The following CERK variants were observed in gnomAD, a reference collection of about 807,000 sequenced individuals.
The protein encoded by CERK is acylsphingosine kinase.
In CERK, 39 loss-of-function variants were observed where a neutral mutation model predicts 63.4. That is an observed-to-expected ratio of 0.61 (90% CI 0.48 to 0.80). The LOEUF is 0.80. Ranked by LOEUF, CERK falls within the 30% of genes least tolerant of loss-of-function variation. The probability of loss-of-function intolerance (pLI) is 0.00; values close to 1 mark genes in which losing one functional copy is unlikely to be tolerated. For synonymous variants in CERK, 302 were observed against 280.0 expected, an observed-to-expected ratio of 1.08 and a Z score of -0.78; for missense variants, 670 against 714.1, an observed-to-expected ratio of 0.94 and a Z score of 0.70.
intron 6 of CERK, among the ~76,000 whole-genome samples, chr22:46,706,945 G>A (rs1311272664): frequency 1.3e-5 from 2 of 152,154 alleles, no homozygotes; most frequent in East Asian, 3.9e-4. Context: ...CCTGTCGGAG[G>A]CAGGTTAGAG....
At chr22:46,730,066 A>AC (rs58263240) in intron 1 of CERK, among the ~76,000 whole-genome samples, 1 of 151,024 alleles carries the variant, frequency 6.6e-6, no homozygotes, top group Non-Finnish European at 1.5e-5. Flanking sequence ...AAACAAACAA[A>AC]AAACAAAGCA....
At chr22:46,691,056 T>TACACACACACACACACACACAC (rs141210280) in intron 11 of CERK, among the ~76,000 whole-genome samples, 512 of 147,282 alleles carry the variant, frequency 3.5e-3, no homozygotes, top group Middle Eastern at 0.017. Context: ...TATACATACA[T>TACACACACACACACACACACAC]ACACACACAC....
intron 6 of CERK, among the ~76,000 whole-genome samples, chr22:46,702,855 C>G (rs1172966588): frequency 6.6e-6 from 1 of 152,232 alleles, no homozygotes; most frequent in Non-Finnish European, 1.5e-5. Context: ...CCACAATGAC[C>G]ACCCATACCT....
chr22:46,712,360 G>C (rs571601247), intron 3 of CERK, 67 bp from the exon 4 acceptor site: 1 of 1,469,360 alleles, frequency 6.8e-7, no homozygotes, highest in African/African-American at 1.4e-5. Context: ...TCTGTTACTG[G>C]ACAAAATCAA....
chr22:46,697,078 T>C (rs1023255521), intron 8 of CERK, among the ~76,000 whole-genome samples: 2 of 152,250 alleles, frequency 1.3e-5, no homozygotes, highest in African/African-American at 4.8e-5. Flanking sequence ...TCTTAGGTTT[T>C]AATTTTCAAG....
At chr22:46,731,141 C>G (rs2146595216) in intron 1 of CERK, among the ~76,000 whole-genome samples, 1 of 152,372 alleles carries the variant, frequency 6.6e-6, no homozygotes, top group East Asian at 1.9e-4. Context: ...GCCTCATGCC[C>G]ACTAGGCATT....
At chr22:46,733,208 C>CAAAA (rs35759818) in intron 1 of CERK, among the ~76,000 whole-genome samples, 2 of 77,350 alleles carry the variant, frequency 2.6e-5, no homozygotes, top group African/African-American at 1.2e-4. Flanking sequence ...GACTCTGTCT[C>CAAAA]AAAAAAAAAA....
At chr22:46,691,955 G>A (rs563504969) in intron 10 of CERK, among the ~76,000 whole-genome samples, 178 bp from the exon 11 acceptor site, 22 of 152,272 alleles carry the variant, frequency 1.4e-4, no homozygotes, top group Admixed American at 6.5e-4. Flanking sequence ...TCCGCTCCCC[G>A]CAGGAAGTGG....
At chr22:46,710,149 C>A (rs145854127) in intron 5 of CERK, among the ~76,000 whole-genome samples, 121 of 152,288 alleles carry the variant, frequency 7.9e-4, no homozygotes, top group African/African-American at 2.2e-3. Context: ...TGTAAACTGG[C>A]CGGGCGCGGT....
intron 1 of CERK, among the ~76,000 whole-genome samples, chr22:46,724,641 G>A (rs2082908766): frequency 6.6e-6 from 1 of 152,200 alleles, no homozygotes; most frequent in Non-Finnish European, 1.5e-5. Flanking sequence ...ACCCCATAGG[G>A]GATTAGAAAC....
intron 5 of CERK, among the ~76,000 whole-genome samples, chr22:46,710,007 G>A (rs2082832472): frequency 6.6e-6 from 1 of 152,140 alleles, no homozygotes; most frequent in African/African-American, 2.4e-5. Context: ...TCAATTCCAA[G>A]AAGCCAGCTA....
chr22:46,737,994 C>A lies in CERK; in HGVS notation c.142+13G>T. ...GCCAGGTCCGGCCGAACCCGGGCGG[C>A]GGCGACACTCACCCGCGCCGGGGGC... On this transcript the variant is annotated intron_variant, in intron 1 of 12. Transcript: ENST00000216264. 2 of 1,171,362 alleles carry A rather than the reference C, an allele frequency of 1.7e-6. No homozygotes were observed. Among genetic ancestry groups the A allele is most frequent in the Non-Finnish European group, 1.1e-6 (1 of 951,196 alleles). 72.6% of individuals were successfully genotyped at this position (1,171,362 alleles called of 1,614,324 possible). A position where few individuals can be genotyped will look rare whatever the true frequency, so the allele number is the denominator to read the frequency against.
chr22:46,698,204 A>T (rs2082765702), intron 8 of CERK, among the ~76,000 whole-genome samples: 1 of 152,262 alleles, frequency 6.6e-6, no homozygotes, highest in Admixed American at 6.5e-5. Flanking sequence ...GTGGGGCAGG[A>T]GCACCTGCTG....
At chr22:46,698,443 G>A (rs1296732453) in intron 8 of CERK, among the ~76,000 whole-genome samples, 1 of 152,240 alleles carries the variant, frequency 6.6e-6, no homozygotes. Context: ...GCTAGCTACG[G>A]TGTAACCCCA....
At chr22:46,703,845 C>A (rs576408628) in intron 6 of CERK, among the ~76,000 whole-genome samples, 1 of 152,172 alleles carries the variant, frequency 6.6e-6, no homozygotes, top group Admixed American at 6.5e-5. Flanking sequence ...CCCTCGGGCC[C>A]TGCCCTGCCC....
intron 8 of CERK, among the ~76,000 whole-genome samples, chr22:46,697,254 C>T (rs892409018): frequency 5.3e-5 from 8 of 152,062 alleles, no homozygotes; most frequent in Non-Finnish European, 1.0e-4. Flanking sequence ...GAAAGTCGAC[C>T]GGGCAGCGAG....
In CERK at chr22:46,702,221, A is replaced by ATGTGTG. The variant is rs1466132272; in HGVS notation, c.716-512_716-511insCACACA. The stretch of plus-strand genomic sequence containing the variant: ...GAGCCAAAAAGTTAAAAAAATATAT[A>ATGTGTG]TATGTGTGTGTGTGTGTGTGTGTGT... On this transcript the variant is annotated intron_variant, in intron 6 of 12. Coordinates refer to ENST00000216264, the MANE Select transcript of CERK (RefSeq NM_022766.6). Among the ~76,000 whole-genome samples the ATGTGTG allele has an allele frequency of 3.0e-3, 341 of 113,358 alleles. 2 individuals carry two copies. Among genetic ancestry groups the ATGTGTG allele is most frequent in the African/African-American group, 0.01 (288 of 28,692 alleles). 74.4% of individuals were successfully genotyped at this position (113,358 alleles called of 152,430 possible).
intron 8 of CERK, among the ~76,000 whole-genome samples, chr22:46,696,324 G>A (rs972650286): frequency 3.3e-5 from 5 of 152,268 alleles, no homozygotes; most frequent in South Asian, 2.1e-4. Context: ...CTGCAGCTCC[G>A]CCTCCCTGCA....
chr22:46,724,179 C>T (rs1601727482), intron 1 of CERK, among the ~76,000 whole-genome samples: 2 of 152,334 alleles, frequency 1.3e-5, no homozygotes, highest in African/African-American at 2.4e-5. Context: ...GATCCACTTC[C>T]ACTTACCAGA....
Sources: allele counts gnomAD v4.1 joint callset (sites outside exome capture counted in the v4.1 genomes callset), GRCh38; gene constraint gnomAD v4.1.1; transcripts MANE v1.5; gene names NCBI Gene and HGNC (gene_info 2026-07-23, HGNC 2026-07-21).